Variants in LGR6 observed in about 807,000 individuals in gnomAD.
LGR6 encodes the protein leucine-rich repeat-containing G protein-coupled receptor 6.
In LGR6, 45 loss-of-function variants were observed where a neutral mutation model predicts 69.4. The ratio of observed to expected loss-of-function variants is 0.65; its 90% CI spans 0.51 to 0.83. The LOEUF (loss-of-function observed/expected upper bound fraction) is 0.83, where lower values mean the gene tolerates loss of function less well. Ranked by LOEUF, LGR6 falls within the 40% of genes least tolerant of loss-of-function variation. LGR6 has a pLI of 0.00. For missense variants in LGR6, 1,108 were observed against 1,246.7 expected (o/e 0.89, Z 1.68); for synonymous variants, 538 against 555.0 (o/e 0.97, Z 0.43).
intron 4 of LGR6, among the ~76,000 whole-genome samples, chr1:202,264,092 G>A (rs1298523987): frequency 6.6e-6 from 1 of 152,086 alleles, no homozygotes; most frequent in Non-Finnish European, 1.5e-5. Flanking sequence ...GCTGGGGAGG[G>A]GAGGGTTGAA....
At chr1:202,214,279 A>C in intron 1 of LGR6, 1 of 1,502,952 alleles carries the variant, frequency 6.7e-7, no homozygotes, top group South Asian at 1.3e-5. Context: ...AAAGTTCCAC[A>C]GGTCCTCCGC....
chr1:202,229,295 C>G (rs1172568999), intron 3 of LGR6, among the ~76,000 whole-genome samples: 2 of 152,166 alleles, frequency 1.3e-5, no homozygotes, highest in Non-Finnish European at 2.9e-5. Flanking sequence ...ACCTTGTCTC[C>G]CCCTTCTCCT....
chr1:202,232,857 G>C (rs1661204686), intron 3 of LGR6, among the ~76,000 whole-genome samples: 1 of 152,122 alleles, frequency 6.6e-6, no homozygotes, highest in African/African-American at 2.4e-5. Context: ...TTGTAACTTA[G>C]GGCAAGTTAC....
chr1:202,285,087 T>A (rs1558062521), intron 6 of LGR6, among the ~76,000 whole-genome samples: 1 of 152,248 alleles, frequency 6.6e-6, no homozygotes, highest in Non-Finnish European at 1.5e-5. Flanking sequence ...ATGTATTGAA[T>A]TCTGCCTTAT....
intron 4 of LGR6, 81 bp downstream of exon 4, chr1:202,236,074 T>C: frequency 8.4e-7 from 1 of 1,183,702 alleles, no homozygotes; most frequent in East Asian, 2.3e-5. Context: ...GCCTCAGCTT[T>C]CCCTTCCCTC....
chr1:202,246,871 A>G (rs555268616), intron 4 of LGR6, among the ~76,000 whole-genome samples: 2 of 152,320 alleles, frequency 1.3e-5, no homozygotes, highest in Admixed American at 6.5e-5. Context: ...ACAAGCCTCT[A>G]AAGGAGGTCC....
At chr1:202,310,094 C>T in intron 15 of LGR6, 103 bp from the exon 16 acceptor site, 2 of 1,177,900 alleles carry the variant, frequency 1.7e-6, no homozygotes, top group South Asian at 2.8e-5. Flanking sequence ...GAAGGACAGA[C>T]ACTGAGTGCC....
chr1:202,257,396 T>C lies in LGR6; in HGVS notation c.429-18910T>C, dbSNP rs556281203. Among the ~76,000 whole-genome samples the C allele has an allele frequency of 5.9e-5, 9 of 152,330 alleles. No homozygotes were observed. The East Asian group carries it at 1.2e-3, about 20-fold the overall frequency. On this transcript the variant is annotated intron_variant, in intron 4 of 17. Transcript: ENST00000367278. ...TACCTAATCCGAGGTCAGAAAGATA[T>C]ATGCCTATGTTGTCTTATAAGGATT... is the stretch of plus-strand genomic sequence containing the variant.
intron 4 of LGR6, among the ~76,000 whole-genome samples, chr1:202,240,087 T>C (rs1192682913): frequency 6.6e-6 from 1 of 151,916 alleles, no homozygotes; most frequent in Non-Finnish European, 1.5e-5. Flanking sequence ...ATTAAGAACA[T>C]GCAGGCTGGG....
At chr1:202,272,814 A>G (rs1046227829) in intron 4 of LGR6, among the ~76,000 whole-genome samples, 1 of 152,228 alleles carries the variant, frequency 6.6e-6, no homozygotes, top group African/African-American at 2.4e-5. Context: ...GCCACTTCCA[A>G]GTGCCCCCTG....
chr1:202,236,463 A>T (rs1571864246), intron 4 of LGR6: 1 of 162,336 alleles, frequency 6.2e-6, no homozygotes, highest in Non-Finnish European at 1.3e-5. Flanking sequence ...GGGACTGTCC[A>T]CAGGGACTCA....
chr1:202,248,487 C>T (rs1395189608), intron 4 of LGR6, among the ~76,000 whole-genome samples: 1 of 152,246 alleles, frequency 6.6e-6, no homozygotes, highest in Non-Finnish European at 1.5e-5. Context: ...CCTCCCCTCA[C>T]CACCCTGACA....
chr1:202,261,078 TTTATTA>T (rs543764957), intron 4 of LGR6, among the ~76,000 whole-genome samples: 21 of 151,314 alleles, frequency 1.4e-4, no homozygotes, highest in Non-Finnish European at 2.7e-4. Flanking sequence ...ATGTTTTCTT[TTTATTA>T]TTATTATTAT....
intron 1 of LGR6, among the ~76,000 whole-genome samples, chr1:202,222,738 C>T (rs1219965446): frequency 6.6e-6 from 1 of 152,296 alleles, no homozygotes; most frequent in East Asian, 1.9e-4. Context: ...TGCTCCTGCA[C>T]CTTCGCATTT....
intron 4 of LGR6, among the ~76,000 whole-genome samples, chr1:202,264,987 A>G (rs756413226): frequency 6.6e-6 from 1 of 152,088 alleles, no homozygotes; most frequent in Non-Finnish European, 1.5e-5. Flanking sequence ...CCTTTGATCT[A>G]TTGAGAGGCT....
chr1:202,206,498 G>A (rs77216079), intron 1 of LGR6, among the ~76,000 whole-genome samples: 21,672 of 152,124 alleles, frequency 0.14, 1,640 homozygotes, highest in African/African-American at 0.18. Context: ...CCTGTGCTTG[G>A]GCCATTGCTC....
intron 6 of LGR6, among the ~76,000 whole-genome samples, chr1:202,281,666 C>A (rs1269688206): frequency 6.6e-6 from 1 of 152,034 alleles, no homozygotes; most frequent in African/African-American, 2.4e-5. Flanking sequence ...GAGAGAAGGA[C>A]CCCCAGGTCA....
Position 202,310,197 on chromosome 1 carries a change from G to T in LGR6, c.1407G>T (p.Arg469Ser). 6.2e-7 allele frequency: 1 copy of T among 1,613,712 alleles called. No individual in the cohort carries two copies. Among genetic ancestry groups the T allele is most frequent in the East Asian group, 2.2e-5 (1 of 44,854 alleles). The change falls in exon 16 of 18, where the codon AGG becomes AGT. Residue 469 changes from arginine to serine, a missense_variant and splice_region_variant. Physicochemically the swap from Arg to Ser is moderately radical, Grantham distance 110. Coordinates refer to ENST00000367278, the MANE Select transcript of LGR6 (RefSeq NM_001017403.2). ...AFSKDSFPKLRILEVPYAYQC... is the reference protein window; with the variant it reads ...AFSKDSFPKLSILEVPYAYQC... ...AATCAGCCTGCCTCTCCCCCACCAGGATCCTGGAGGTGCCTTATGCCTACC... is the reference window on the plus strand; with the variant it reads ...AATCAGCCTGCCTCTCCCCCACCAGTATCCTGGAGGTGCCTTATGCCTACC...
At chr1:202,314,971 T>C (rs1654035880) in intron 17 of LGR6, 89 bp downstream of exon 17, 2 of 918,288 alleles carry the variant, frequency 2.2e-6, no homozygotes, top group Admixed American at 3.9e-5. Flanking sequence ...GCCTGGCATG[T>C]CTGCAGCCAC....
Sources: allele counts gnomAD v4.1 joint callset (sites outside exome capture counted in the v4.1 genomes callset), GRCh38; gene constraint gnomAD v4.1.1; transcripts MANE v1.5; gene names NCBI Gene and HGNC (gene_info 2026-07-23, HGNC 2026-07-21).